Variants in RBFOX1 observed in about 807,000 individuals in gnomAD.
RBFOX1 encodes RNA binding protein fox-1 homolog 1.
Under a neutral mutation model 57.7 loss-of-function variants are expected in RBFOX1, and 8 were observed. The ratio of observed to expected loss-of-function variants is 0.14; its 90% CI spans 0.08 to 0.25. The LOEUF is 0.25. Ranked by LOEUF, RBFOX1 falls within the 10% of genes least tolerant of loss-of-function variation. The probability of loss-of-function intolerance (pLI) is 1.00; values close to 1 mark genes in which losing one functional copy is unlikely to be tolerated. For missense variants in RBFOX1, 611 were observed against 548.5 expected (o/e 1.11, Z -1.14); for synonymous variants, 326 against 222.4 (o/e 1.47, Z -4.15).
chr16:7,164,352 A>G (rs928130193), intron 4 of RBFOX1, among the ~76,000 whole-genome samples: 2 of 152,022 alleles, frequency 1.3e-5, no homozygotes, highest in Non-Finnish European at 2.9e-5. Flanking sequence ...CATTTTCTTG[A>G]TCCACTCATT....
intron 1 of RBFOX1, among the ~76,000 whole-genome samples, chr16:6,309,623 G>A (rs2079991486): frequency 6.6e-6 from 1 of 151,744 alleles, no homozygotes; most frequent in Non-Finnish European, 1.5e-5. Flanking sequence ...GCCAAGACAG[G>A]AAATTAAACA....
chr16:5,809,995 A>G (rs2055362971), intron 3 of RBFOX1, among the ~76,000 whole-genome samples: 1 of 152,324 alleles, frequency 6.6e-6, no homozygotes, highest in East Asian at 1.9e-4. Context: ...CTATGCAGCC[A>G]TAAAAAAGGA....
At chr16:6,854,340 A>G (rs1281056851) in intron 3 of RBFOX1, among the ~76,000 whole-genome samples, 1 of 152,084 alleles carries the variant, frequency 6.6e-6, no homozygotes, top group Non-Finnish European at 1.5e-5. Context: ...CAAATTATGG[A>G]ACCTATGAAG....
In RBFOX1 at chr16:7,117,835, A is replaced by C. The variant is rs552220378; in HGVS notation, c.27+65737A>C. ...TCATCTCGAACAGGATCTGCTTTCA[A>C]GCTCCCTCAGGTTGCTGGCAGGATT... On this transcript the variant is annotated intron_variant, in intron 4 of 15. Transcript: ENST00000550418. Among the ~76,000 whole-genome samples the C allele has an allele frequency of 3.9e-5, 6 of 152,264 alleles. No homozygotes were observed. The East Asian group carries it at 9.7e-4, about 25-fold the overall frequency.
intron 3 of RBFOX1, among the ~76,000 whole-genome samples, chr16:7,045,666 A>G (rs1236460184): frequency 3.3e-5 from 5 of 150,482 alleles, no homozygotes; most frequent in Admixed American, 6.6e-5. Context: ...TTTTTTTTCA[A>G]TAGAGCGAGA....
chr16:6,639,886 A>C (rs966251872), intron 2 of RBFOX1, among the ~76,000 whole-genome samples: 3 of 151,992 alleles, frequency 2.0e-5, no homozygotes, highest in Non-Finnish European at 4.4e-5. Flanking sequence ...CTCAAAAACA[A>C]AAAACAAAAA....
intron 4 of RBFOX1, among the ~76,000 whole-genome samples, chr16:7,356,283 G>C (rs866119885): frequency 2.0e-5 from 3 of 152,144 alleles, no homozygotes; most frequent in East Asian, 1.9e-4. Context: ...GCCCACACAG[G>C]CATCATCGTT....
Position 5,393,608 on chromosome 16 carries a change from G to C in RBFOX1, c.220-73608G>C, listed in dbSNP as rs1052290078. Among the ~76,000 whole-genome samples the C allele has an allele frequency of 1.8e-4, 27 of 152,156 alleles. 1 individual carries two copies. Among genetic ancestry groups the C allele is most frequent in the Non-Finnish European group, 8.8e-5 (6 of 68,032 alleles). ...GCAGACCAGGGCCTGGTGTTGGGAT[G>C]ACATTCTGCTGTGTTGTTACTTCAT... On this transcript the variant is annotated intron_variant, in intron 1 of 2. Coordinates refer to the RBFOX1 transcript ENST00000585867.
intron 1 of RBFOX1, among the ~76,000 whole-genome samples, chr16:6,083,495 G>T (rs1597134296): frequency 6.6e-6 from 1 of 151,536 alleles, no homozygotes; most frequent in African/African-American, 2.4e-5. Flanking sequence ...TTTGGTTTTT[G>T]AGATAGGGTC....
chr16:6,859,283 ATTTG>A (rs1430869406), intron 3 of RBFOX1, among the ~76,000 whole-genome samples: 1 of 149,822 alleles, frequency 6.7e-6, no homozygotes, highest in South Asian at 2.1e-4. Flanking sequence ...CTTGAATATT[ATTTG>A]TTCCCATCTC....
intron 3 of RBFOX1, among the ~76,000 whole-genome samples, chr16:6,840,897 A>AAAAAAAAT (rs751671784): frequency 7.3e-6 from 1 of 137,498 alleles, no homozygotes; most frequent in Non-Finnish European, 1.5e-5. Context: ...CAAAAAAAAA[A>AAAAAAAAT]AAAAAAACGA....
chr16:6,698,945 G>C (rs2061442148), intron 3 of RBFOX1, among the ~76,000 whole-genome samples: 2 of 152,136 alleles, frequency 1.3e-5, no homozygotes, highest in African/African-American at 4.8e-5. Context: ...AGCGTACGAA[G>C]ACTCTAGAAC....
At chr16:7,293,063 A>G (rs1445968342) in intron 4 of RBFOX1, among the ~76,000 whole-genome samples, 2 of 152,176 alleles carry the variant, frequency 1.3e-5, no homozygotes, top group African/African-American at 4.8e-5. Context: ...CGAGGGCACT[A>G]GAATAGCCAA....
rs188059745 is a variant in RBFOX1 at position 5,348,997 on chromosome 16, G to A, written c.219+108892G>A. ...CAATTTTTTGAGAAACGTCCATCTTGTTTTCCAGAACAACTGTGTCATTTT... is the reference window on the plus strand; with the variant it reads ...CAATTTTTTGAGAAACGTCCATCTTATTTTCCAGAACAACTGTGTCATTTT... On this transcript the variant is annotated intron_variant, in intron 1 of 2. Transcript: ENST00000585867. 1.4e-3 allele frequency among the ~76,000 whole-genome samples: 219 copies of A among 152,286 alleles called. 1 individual carries two copies. The highest frequency in any genetic ancestry group is 2.5e-3 in the Non-Finnish European group (173 of 68,006).
intron 3 of RBFOX1, among the ~76,000 whole-genome samples, chr16:5,621,166 T>A (rs970245633): frequency 2.0e-5 from 3 of 152,130 alleles, no homozygotes; most frequent in Non-Finnish European, 4.4e-5. Context: ...TTTGTAGAAA[T>A]GGGGTTTTCC....
intron 1 of RBFOX1, among the ~76,000 whole-genome samples, chr16:5,402,810 T>C (rs1403064948): frequency 6.6e-6 from 1 of 152,170 alleles, no homozygotes; most frequent in Non-Finnish European, 1.5e-5. Context: ...TTCCCTCTGT[T>C]TCACTTTCTT....
chr16:6,941,431 A>G lies in RBFOX1; in HGVS notation c.-15-110626A>G, dbSNP rs1448691707. Among the ~76,000 whole-genome samples the G allele has an allele frequency of 2.6e-5, 4 of 151,520 alleles. No individual in the cohort carries two copies. In the South Asian group the frequency reaches 6.3e-4, roughly 24 times the overall value. ...TCATTTGGAATATTAGGAAATCCCT[A>G]ATTTAAAATAAACACCAAAGTCCTC... is the stretch of plus-strand genomic sequence containing the variant. On this transcript the variant is annotated intron_variant, in intron 3 of 15. Coordinates refer to ENST00000550418, the MANE Select transcript of RBFOX1 (RefSeq NM_018723.4).
intron 4 of RBFOX1, among the ~76,000 whole-genome samples, chr16:5,929,736 A>G (rs992022723): frequency 6.6e-6 from 1 of 152,132 alleles, no homozygotes; most frequent in African/African-American, 2.4e-5. Flanking sequence ...GGGAATAATG[A>G]TAGATTTACA....
At chr16:7,120,734 T>C (rs888544120) in intron 4 of RBFOX1, among the ~76,000 whole-genome samples, 10 of 145,004 alleles carry the variant, frequency 6.9e-5, no homozygotes, top group Admixed American at 4.9e-4. Context: ...TTACAGAAAA[T>C]AGAAGTGGAA....
Sources: allele counts gnomAD v4.1 joint callset (sites outside exome capture counted in the v4.1 genomes callset), GRCh38; gene constraint gnomAD v4.1.1; transcripts MANE v1.5; gene names NCBI Gene and HGNC (gene_info 2026-07-23, HGNC 2026-07-21).